The following RNLS variants were observed in gnomAD, a reference collection of about 807,000 sequenced individuals.
The protein encoded by RNLS is renalase.
Under a neutral mutation model 39.8 loss-of-function variants are expected in RNLS, and 39 were observed. That is an observed-to-expected ratio of 0.98 (90% CI 0.76 to 1.28). The LOEUF (loss-of-function observed/expected upper bound fraction) is 1.28, where lower values mean the gene tolerates loss of function less well. Ranked by LOEUF, RNLS falls within the 50% of genes most tolerant of loss-of-function variation. RNLS has a pLI of 0.00. For synonymous variants in RNLS, 147 were observed against 150.7 expected, an observed-to-expected ratio of 0.98 and a Z score of 0.18; for missense variants, 410 against 413.3, an observed-to-expected ratio of 0.99 and a Z score of 0.07.
chr10:88,279,533 T>C (rs1227572825), downstream of RNLS, among the ~76,000 whole-genome samples: 1 of 152,032 alleles, frequency 6.6e-6, no homozygotes, highest in Non-Finnish European at 1.5e-5. Context: ...ATATTCAGGA[T>C]GTCACCGACC....
At chr10:88,398,966 T>G (rs1002011892) in intron 4 of RNLS, among the ~76,000 whole-genome samples, 3 of 151,934 alleles carry the variant, frequency 2.0e-5, no homozygotes, top group African/African-American at 7.2e-5. Flanking sequence ...AATTAAACAG[T>G]GGACAAAAAA....
At chr10:88,549,694 C>T (rs1007379668) in intron 4 of RNLS, among the ~76,000 whole-genome samples, 6 of 152,236 alleles carry the variant, frequency 3.9e-5, no homozygotes, top group Admixed American at 3.3e-4. Context: ...AGTATTACAG[C>T]CGACTGATCA....
chr10:88,573,100 T>C lies in RNLS; in HGVS notation c.368-39A>G, dbSNP rs764030731. On this transcript the variant is annotated intron_variant, in intron 3 of 6. Transcript: ENST00000331772. ...AAAATCATGTCCCCATTATCAGAAT[T>C]GCATATATGAATAAAGGGGATGTGA... is the stretch of plus-strand genomic sequence containing the variant. 6 of 1,598,048 alleles carry C rather than the reference T, an allele frequency of 3.8e-6. No individual in the cohort carries two copies. In the Admixed American group the frequency reaches 6.7e-5, roughly 18 times the overall value.
At chr10:88,464,842 C>T (rs779413360) in intron 4 of RNLS, among the ~76,000 whole-genome samples, 15 of 152,032 alleles carry the variant, frequency 9.9e-5, no homozygotes, top group Non-Finnish European at 1.9e-4. Flanking sequence ...AAACTAAATG[C>T]TGAAGACTGG....
the RNLS span, among the ~76,000 whole-genome samples, chr10:88,234,397 A>G: frequency 1.1e-4 from 16 of 152,056 alleles, no homozygotes; most frequent in African/African-American, 3.6e-4. Context: ...TGCCCCATCT[A>G]ACCAGCAGCA....
intron 4 of RNLS, among the ~76,000 whole-genome samples, chr10:88,467,556 AG>A (rs1451045727): frequency 3.3e-5 from 5 of 152,158 alleles, no homozygotes; most frequent in African/African-American, 1.2e-4. Context: ...CAATGACTAC[AG>A]AATTTAGCTT....
intron 4 of RNLS, among the ~76,000 whole-genome samples, chr10:88,463,386 T>C (rs1018643752): frequency 6.6e-6 from 1 of 152,046 alleles, no homozygotes. Context: ...GGGAAAGGCA[T>C]AGAGTAGATT....
intron 4 of RNLS, among the ~76,000 whole-genome samples, chr10:88,522,246 G>A (rs1564869651): frequency 6.6e-6 from 1 of 152,050 alleles, no homozygotes; most frequent in South Asian, 2.1e-4. Context: ...GGTTTAATAA[G>A]CAGATGTTGA....
At chr10:88,314,854 T>A (rs1471825807) in intron 5 of RNLS, among the ~76,000 whole-genome samples, 1 of 152,192 alleles carries the variant, frequency 6.6e-6, no homozygotes, top group Admixed American at 6.5e-5. Context: ...GAAGTTTTAG[T>A]GAAAAATTGT....
At chr10:88,553,787 C>T (rs1400119846) in intron 4 of RNLS, among the ~76,000 whole-genome samples, 1 of 152,112 alleles carries the variant, frequency 6.6e-6, no homozygotes, top group Non-Finnish European at 1.5e-5. Context: ...TCTATGTACG[C>T]TAAAGAAACA....
intron 5 of RNLS, among the ~76,000 whole-genome samples, chr10:88,330,622 G>C (rs926796176): frequency 6.6e-6 from 1 of 152,022 alleles, no homozygotes; most frequent in Non-Finnish European, 1.5e-5. Flanking sequence ...TTATTAGAAA[G>C]AAGGAAAACA....
At chr10:88,372,229 A>G (rs899068166) in intron 4 of RNLS, among the ~76,000 whole-genome samples, 4 of 152,068 alleles carry the variant, frequency 2.6e-5, no homozygotes, top group African/African-American at 9.7e-5. Flanking sequence ...TTTGTGATTA[A>G]TCAGGTCCCC....
At chr10:88,334,346 C>T (rs1256449735) in intron 5 of RNLS, among the ~76,000 whole-genome samples, 1 of 152,100 alleles carries the variant, frequency 6.6e-6, no homozygotes, top group Non-Finnish European at 1.5e-5. Flanking sequence ...AAACTCTTTC[C>T]CAAAGATCTG....
intron 5 of RNLS, among the ~76,000 whole-genome samples, chr10:88,354,072 A>AT (rs1299291531): frequency 7.2e-5 from 11 of 152,206 alleles, no homozygotes; most frequent in Middle Eastern, 3.4e-3. Flanking sequence ...TGCTTGGTAG[A>AT]TCTTCCTCCA....
At chr10:88,523,280 C>A (rs1480425070) in intron 4 of RNLS, among the ~76,000 whole-genome samples, 2 of 152,032 alleles carry the variant, frequency 1.3e-5, no homozygotes, top group African/African-American at 2.4e-5. Flanking sequence ...GTCTGCTTTC[C>A]ATGCATCCCA....
chr10:88,325,229 T>C (rs1188768156), intron 5 of RNLS, among the ~76,000 whole-genome samples: 1 of 152,214 alleles, frequency 6.6e-6, no homozygotes, highest in Non-Finnish European at 1.5e-5. Flanking sequence ...TCATTTTCCA[T>C]AGGCTGTACC....
intron 4 of RNLS, among the ~76,000 whole-genome samples, chr10:88,540,053 T>G (rs1322343835): frequency 6.6e-6 from 1 of 152,146 alleles, no homozygotes. Flanking sequence ...TCTCAAATAA[T>G]TCTCTGGTTT....
chr10:88,256,101 T>C, the RNLS span, among the ~76,000 whole-genome samples: 224 of 152,300 alleles, frequency 1.5e-3, no homozygotes, highest in African/African-American at 5.2e-3. Flanking sequence ...AGGCAAATGA[T>C]TGGATAGGAA....
chr10:88,291,868 T>C (rs982277726), intron 6 of RNLS, among the ~76,000 whole-genome samples: 2 of 152,024 alleles, frequency 1.3e-5, no homozygotes, highest in African/African-American at 4.8e-5. Flanking sequence ...CTAAGACCCC[T>C]CTCCAGGACA....
Sources: gnomAD v4.1 joint callset for allele counts (sites outside exome capture counted in the v4.1 genomes callset) on GRCh38, gnomAD v4.1.1 for gene constraint, MANE v1.5 for transcripts, NCBI Gene and HGNC (gene_info 2026-07-23, HGNC 2026-07-21) for gene names.